The following HSP90AA1 variants were observed in gnomAD, a reference collection of about 807,000 sequenced individuals.
The protein encoded by HSP90AA1 is heat shock protein HSP 90-alpha.
Under a neutral mutation model 73.3 loss-of-function variants are expected in HSP90AA1, and 18 were observed. The ratio of observed to expected loss-of-function variants is 0.25; its 90% CI spans 0.17 to 0.36. The LOEUF (loss-of-function observed/expected upper bound fraction) is 0.36. Among genes scored for constraint, HSP90AA1 ranks in the 10% least tolerant of loss-of-function variants. HSP90AA1 has a pLI of 1.00. For missense variants in HSP90AA1, 704 were observed against 874.2 expected, an observed-to-expected ratio of 0.81 and a Z score of 2.45; for synonymous variants, 477 against 296.9, an observed-to-expected ratio of 1.61 and a Z score of -6.24.
intron 1 of HSP90AA1, among the ~76,000 whole-genome samples, chr14:102,116,046 G>A (rs2049702197): frequency 6.6e-6 from 1 of 151,634 alleles, no homozygotes; most frequent in Admixed American, 6.6e-5. Context: ...CTGCCTCCCG[G>A]GTTCACACCA....
chr14:102,134,771 G>T (rs1299875973), intron 1 of HSP90AA1, among the ~76,000 whole-genome samples: 1 of 152,200 alleles, frequency 6.6e-6, no homozygotes, highest in Non-Finnish European at 1.5e-5. Flanking sequence ...GTGAGCAGTA[G>T]CAAGATTTAT....
intron 1 of HSP90AA1, among the ~76,000 whole-genome samples, chr14:102,108,650 C>T (rs958429630): frequency 5.9e-5 from 9 of 151,430 alleles, no homozygotes; most frequent in African/African-American, 1.7e-4. Context: ...ATTCTCCTGC[C>T]TCAGCCTCTG....
At chr14:102,084,123 G>A (rs1343169359) in intron 6 of HSP90AA1, 140 bp from the exon 7 acceptor site, 6 of 784,060 alleles carry the variant, frequency 7.7e-6, no homozygotes, top group South Asian at 1.5e-5. Flanking sequence ...AGGCTGGAGG[G>A]CAGTGGCGCA....
intron 1 of HSP90AA1, among the ~76,000 whole-genome samples, chr14:102,133,765 G>T (rs1321663271): frequency 1.3e-5 from 2 of 152,142 alleles, no homozygotes; most frequent in Non-Finnish European, 2.9e-5. Flanking sequence ...TTACAGGCAT[G>T]AGCCACGGCG....
chr14:102,126,625 C>T (rs1408891073), intron 1 of HSP90AA1, among the ~76,000 whole-genome samples: 2 of 152,040 alleles, frequency 1.3e-5, no homozygotes, highest in African/African-American at 4.8e-5. Flanking sequence ...CCCGGGTTCA[C>T]GCCATTCTCT....
chr14:102,107,405 A>G (rs781725711), intron 1 of HSP90AA1, among the ~76,000 whole-genome samples: 48 of 151,714 alleles, frequency 3.2e-4, no homozygotes, highest in African/African-American at 9.2e-4. Flanking sequence ...GCTCACTGCA[A>G]CCTCTGCCTC....
At chr14:102,083,732 TAAA>T (rs201649309) in intron 7 of HSP90AA1, 39 bp from the exon 8 acceptor site, 595 of 1,397,584 alleles carry the variant, frequency 4.3e-4, no homozygotes, top group Non-Finnish European at 5.0e-4. Flanking sequence ...CTTTCTGAAT[TAAA>T]AAAAAAAAAA....
chr14:102,109,661 AATAC>A (rs1448585837), intron 1 of HSP90AA1, among the ~76,000 whole-genome samples: 2 of 152,200 alleles, frequency 1.3e-5, no homozygotes, highest in East Asian at 3.8e-4. Context: ...AAAATGGACT[AATAC>A]AGTAAATTGT....
chr14:102,085,655 C>CA, intron 3 of HSP90AA1, 103 bp downstream of exon 3: 1 of 1,551,654 alleles, frequency 6.4e-7, no homozygotes, highest in Admixed American at 1.7e-5. Context: ...GATCGTTGGG[C>CA]AAACACAAAT....
chr14:102,129,948 A>T (rs988356761), intron 1 of HSP90AA1, among the ~76,000 whole-genome samples: 12 of 151,832 alleles, frequency 7.9e-5, no homozygotes, highest in African/African-American at 2.9e-4. Context: ...ATTCACGTAT[A>T]AGTTTTTGTG....
intron 1 of HSP90AA1, 85 bp downstream of exon 1, chr14:102,086,901 G>A: frequency 2.5e-6 from 2 of 792,882 alleles, no homozygotes; most frequent in Non-Finnish European, 3.1e-6. Context: ...GATCTGGTCC[G>A]GCCCCCACAG....
At chr14:102,100,337 G>T (rs1328609600) in intron 2 of HSP90AA1, among the ~76,000 whole-genome samples, 1 of 152,060 alleles carries the variant, frequency 6.6e-6, no homozygotes, top group Non-Finnish European at 1.5e-5. Flanking sequence ...TCAGGGCTTG[G>T]TTCTGTCAGC....
At chr14:102,103,760 C>A (rs1446805209) in intron 1 of HSP90AA1, among the ~76,000 whole-genome samples, 2 of 150,048 alleles carry the variant, frequency 1.3e-5, no homozygotes, top group East Asian at 3.9e-4. Flanking sequence ...GCCAAGATCG[C>A]ACCATTGCAC....
intron 1 of HSP90AA1, among the ~76,000 whole-genome samples, chr14:102,138,500 CTTT>C (rs879485917): frequency 1.8e-3 from 9 of 4,962 alleles, no homozygotes; most frequent in African/African-American, 3.3e-3. Flanking sequence ...TACTTCAGTG[CTTT>C]TTTTTCTTTT....
At chr14:102,088,358 C>T (rs1278116869), upstream of HSP90AA1, among the ~76,000 whole-genome samples, 1 of 152,188 alleles carries the variant, frequency 6.6e-6, no homozygotes, top group African/African-American at 2.4e-5. Flanking sequence ...TAGCCAGGCC[C>T]TCGGAATAAT....
chr14:102,092,498 A>G (rs1449666588), intron 2 of HSP90AA1, among the ~76,000 whole-genome samples: 1 of 152,172 alleles, frequency 6.6e-6, no homozygotes, highest in Non-Finnish European at 1.5e-5. Flanking sequence ...TTCTTTTTGA[A>G]AAATAATTAT....
chr14:102,081,566 G>A lies in HSP90AA1; in HGVS notation c.*146C>T, dbSNP rs555748267. On this transcript the variant is annotated 3_prime_UTR_variant, in exon 11 of 11. Coordinates refer to ENST00000216281, the MANE Select transcript of HSP90AA1 (RefSeq NM_005348.4). ...TAAGGTATCACAGCATCACTTAGTAGACAGAAATCTTATCTTCCCCTTAAA... is the reference window on the plus strand; with the variant it reads ...TAAGGTATCACAGCATCACTTAGTAAACAGAAATCTTATCTTCCCCTTAAA... 21 of 660,830 alleles carry A rather than the reference G, an allele frequency of 3.2e-5. No homozygotes were observed. Among genetic ancestry groups the A allele is most frequent in the African/African-American group, 3.6e-5 (2 of 55,348 alleles). 40.9% of individuals were successfully genotyped at this position (660,830 alleles called of 1,614,324 possible). A position where few individuals can be genotyped will look rare whatever the true frequency, so the allele number is the denominator to read the frequency against.
chr14:102,126,085 CCT>C (rs2049835619), intron 1 of HSP90AA1, among the ~76,000 whole-genome samples: 1 of 152,098 alleles, frequency 6.6e-6, no homozygotes, highest in African/African-American at 2.4e-5. Flanking sequence ...TCAGGGAAAG[CCT>C]CTCTGAGAAG....
chr14:102,099,506 C>T (rs1327250388), intron 2 of HSP90AA1, among the ~76,000 whole-genome samples: 1 of 152,160 alleles, frequency 6.6e-6, no homozygotes, highest in Non-Finnish European at 1.5e-5. Flanking sequence ...TGTGGTGAGC[C>T]GAGAGCGCAC....
Sources: allele counts gnomAD v4.1 joint callset (sites outside exome capture counted in the v4.1 genomes callset), GRCh38; gene constraint gnomAD v4.1.1; transcripts MANE v1.5; gene names NCBI Gene and HGNC (gene_info 2026-07-23, HGNC 2026-07-21).